Variants in SMARCA4 observed in about 807,000 individuals in gnomAD.
SMARCA4 encodes the protein SWI/SNF-related matrix-associated actin-dependent regulator of chromatin subfamily A member 4.
A neutral mutation model predicts 193.9 loss-of-function variants in SMARCA4; 31 were observed. The observed-to-expected ratio is 0.16, with a 90% CI of 0.12 to 0.22. SMARCA4 has a LOEUF of 0.22. Among genes scored for constraint, SMARCA4 ranks in the 10% least tolerant of loss-of-function variants. The probability of loss-of-function intolerance (pLI) is 1.00; values close to 1 mark genes in which losing one functional copy is unlikely to be tolerated. For synonymous variants in SMARCA4, 942 were observed against 933.1 expected (o/e 1.01, Z -0.17); for missense variants, 1,148 against 2,296.0 (o/e 0.50, Z 10.22).
intron 8 of SMARCA4, among the ~76,000 whole-genome samples, chr19:10,993,104 G>A (rs1189834014): frequency 6.7e-6 from 1 of 150,050 alleles, no homozygotes; most frequent in Non-Finnish European, 1.5e-5. Context: ...TCCTGCCTTA[G>A]CCACCTGAGC....
chr19:11,014,410 G>A (rs892448551), intron 16 of SMARCA4, among the ~76,000 whole-genome samples: 8 of 152,228 alleles, frequency 5.3e-5, no homozygotes, highest in Admixed American at 1.3e-4. Context: ...TGCTTCCTAC[G>A]TGGCGGGTAG....
intron 7 of SMARCA4, among the ~76,000 whole-genome samples, chr19:10,990,634 A>G (rs985403024): frequency 3.9e-5 from 6 of 151,976 alleles, no homozygotes; most frequent in Admixed American, 2.6e-4. Context: ...GCTAGTCTCG[A>G]ACTCCTGAGC....
intron 30 of SMARCA4, among the ~76,000 whole-genome samples, chr19:11,050,603 A>C (rs1213718042): frequency 1.3e-5 from 2 of 152,334 alleles, no homozygotes; most frequent in East Asian, 3.9e-4. Context: ...GCCTGTCTGC[A>C]CTGTTTCCCT....
rs769027318 is a variant in SMARCA4 at position 11,033,247 on chromosome 19, C to A, written c.3547-43C>A. 2 of 1,488,286 alleles carry A rather than the reference C, an allele frequency of 1.3e-6. No homozygotes were observed. The highest frequency in any genetic ancestry group is 1.9e-6 in the Non-Finnish European group (2 of 1,066,994). The allele number at this position is 1,488,286 out of a possible 1,614,324, so 92.2% of individuals were successfully genotyped here. ...TCAGAGGCCACCTTCCCTTTTATGA[C>A]CTCCTGGGCTCCTTTGGGACTGACT... On this transcript the variant is annotated intron_variant, in intron 25 of 34. Coordinates refer to ENST00000344626, the MANE Select transcript of SMARCA4 (RefSeq NM_003072.5). The surrounding 1 kb of genome is among the most constrained non-coding windows in gnomAD (Gnocchi z 9.8).
intron 8 of SMARCA4, among the ~76,000 whole-genome samples, chr19:10,994,026 G>A (rs751807988): frequency 2.6e-5 from 4 of 151,618 alleles, no homozygotes; most frequent in African/African-American, 7.3e-5. Context: ...TAATAGTCTC[G>A]TTTTTATTTT....
chr19:11,011,150 C>T (rs897037689), intron 15 of SMARCA4: 1 of 165,070 alleles, frequency 6.1e-6, no homozygotes, highest in African/African-American at 2.4e-5. Context: ...GAGCTCATTA[C>T]AAGGCCCCAC....
At chr19:10,980,399 C>T (rs1239735238) in intron 1 of SMARCA4, among the ~76,000 whole-genome samples, 1 of 152,116 alleles carries the variant, frequency 6.6e-6, no homozygotes, top group Admixed American at 6.6e-5. Flanking sequence ...GTTAGCGCTG[C>T]TTTGAGTTGG....
At position 11,019,942 on chromosome 19, in the gene SMARCA4, C is replaced by T. The variant is rs568386394; in HGVS notation, c.2616+241C>T. On this transcript the variant is annotated intron_variant, in intron 18 of 34. Transcript: ENST00000344626. The surrounding 1 kb of genome is among the most constrained non-coding windows in gnomAD (Gnocchi z 6.1). The stretch of plus-strand genomic sequence containing the variant: ...AAGCTGGGGCCATCTACACAGCATG[C>T]GCTCTGCCTCCTCTCGGGCCTTCTG... Among the ~76,000 whole-genome samples the T allele has an allele frequency of 3.3e-4, 51 of 152,368 alleles. 1 individual carries two copies. The highest frequency in any genetic ancestry group is 6.2e-4 in the South Asian group (3 of 4,832).
chr19:11,043,062 G>C (rs1048832245), intron 30 of SMARCA4, among the ~76,000 whole-genome samples: 1 of 152,112 alleles, frequency 6.6e-6, no homozygotes, highest in Non-Finnish European at 1.5e-5. Context: ...AGGCCAAGGC[G>C]GGCGGATCAC....
intron 9 of SMARCA4, chr19:10,995,368 A>G (rs1026239573): frequency 8.4e-6 from 4 of 475,846 alleles, no homozygotes; most frequent in Middle Eastern, 3.2e-4. Flanking sequence ...TTGGGCAGAT[A>G]TTGGCAGCGT....
chr19:11,006,613 T>G (rs2088230895), intron 13 of SMARCA4, among the ~76,000 whole-genome samples: 3 of 151,284 alleles, frequency 2.0e-5, no homozygotes, highest in Non-Finnish European at 2.9e-5. Flanking sequence ...TTAGCCGGGG[T>G]GATGGTGGGC....
In SMARCA4 at chr19:11,046,079, C is replaced by T. The variant is rs568637145; in HGVS notation, c.4424+4519C>T. ...TCTACTAAAAATACAAAAAATTAGC[C>T]AGGCGTGGTGGCGGGCGCCTGTAGT... On this transcript the variant is annotated intron_variant, in intron 30 of 34. Coordinates refer to ENST00000344626, the MANE Select transcript of SMARCA4 (RefSeq NM_003072.5). Among the ~76,000 whole-genome samples, 819 of 152,222 alleles carry T rather than the reference C, an allele frequency of 5.4e-3. 1 individual carries two copies. Among genetic ancestry groups the T allele is most frequent in the Non-Finnish European group, 7.8e-3 (528 of 68,002 alleles).
At chr19:10,968,219 C>T (rs1440611246) in intron 1 of SMARCA4, among the ~76,000 whole-genome samples, 1 of 152,162 alleles carries the variant, frequency 6.6e-6, no homozygotes, top group African/African-American at 2.4e-5. Flanking sequence ...AACTTCTGAC[C>T]TCAGGTGATC....
chr19:11,027,766 G>A lies in SMARCA4; in HGVS notation c.3216-18G>A, dbSNP rs773119583. The A allele has an allele frequency of 6.2e-7, 1 of 1,613,814 alleles. No homozygotes were observed. The highest frequency in any genetic ancestry group is 8.5e-7 in the Non-Finnish European group (1 of 1,179,970). On this transcript the variant is annotated intron_variant, in intron 23 of 34. Transcript: ENST00000344626. The stretch of plus-strand genomic sequence containing the variant: ...TTTAACATCCTGCGCCTTCTCTCCT[G>A]CCTCCTCCACACTCCAGGCTGGACC...
intron 1 of SMARCA4, chr19:10,983,730 G>A (rs1050486687): frequency 8.9e-6 from 2 of 225,188 alleles, no homozygotes; most frequent in East Asian, 1.0e-4. Context: ...CACTGCACCC[G>A]GCCAGTCAGA....
intron 1 of SMARCA4, among the ~76,000 whole-genome samples, chr19:10,966,323 G>T (rs547307681): frequency 6.6e-6 from 1 of 152,282 alleles, no homozygotes; most frequent in South Asian, 2.1e-4. Flanking sequence ...GAGTGTGGTG[G>T]CTCATGCCTG....
rs1568462488 is a variant in SMARCA4, at chr19:11,007,892, C to G, written c.2002-10C>G. 1 of 1,613,382 alleles carries G rather than the reference C, an allele frequency of 6.2e-7. No individual in the cohort carries two copies. The stretch of plus-strand genomic sequence containing the variant: ...ATGAACTGAGGTGACATGGGCTTGT[C>G]TCTTGGTAGGAGGAGGAGGAAGAGC... On this transcript the variant is annotated splice_polypyrimidine_tract_variant and intron_variant, in intron 13 of 34. Coordinates refer to ENST00000344626, the MANE Select transcript of SMARCA4 (RefSeq NM_003072.5).
At chr19:11,009,181 C>T (rs899826265) in intron 14 of SMARCA4, among the ~76,000 whole-genome samples, 5 of 151,512 alleles carry the variant, frequency 3.3e-5, no homozygotes, top group Non-Finnish European at 7.4e-5. Flanking sequence ...GCCACCACGT[C>T]CAGCTAATTT....
rs2086117501 is a variant in SMARCA4, at chr19:10,987,056, G to T, written c.859+53G>T. ...CCCGTGCCCTTACTCCCCATCTCAA[G>T]CTTGGGTCCTTGAGATGAGCTTTGT... On this transcript the variant is annotated intron_variant, in intron 5 of 34. Transcript: ENST00000344626. The surrounding 1 kb of genome is among the most constrained non-coding windows in gnomAD (Gnocchi z 5.3). The T allele has an allele frequency of 3.0e-6, 4 of 1,329,648 alleles. No homozygotes were observed. Among genetic ancestry groups the T allele is most frequent in the Middle Eastern group, 1.8e-4 (1 of 5,516 alleles). The allele number at this position is 1,329,648 out of a possible 1,614,324, so 82.4% of individuals were successfully genotyped here. A position where few individuals can be genotyped will look rare whatever the true frequency, so the allele number is the denominator to read the frequency against.
Sources: gnomAD v4.1 joint callset for allele counts (sites outside exome capture counted in the v4.1 genomes callset) on GRCh38, gnomAD v4.1.1 for gene constraint, Gnocchi (gnomAD v3.1) non-coding constraint, MANE v1.5 for transcripts, NCBI Gene and HGNC (gene_info 2026-07-23, HGNC 2026-07-21) for gene names.